Variants in KCNMA1 observed in about 807,000 individuals in gnomAD.
The protein encoded by KCNMA1 is potassium calcium-activated channel subfamily M alpha 1, also known as Calcium-activated potassium channel subunit alpha-1.
A neutral mutation model predicts 140.0 loss-of-function variants in KCNMA1; 29 were observed. The ratio of observed to expected loss-of-function variants is 0.21; its 90% CI spans 0.15 to 0.28. KCNMA1 has a LOEUF of 0.28. Ranked by LOEUF, KCNMA1 falls within the 10% of genes least tolerant of loss-of-function variation. The pLI, the probability that KCNMA1 is intolerant of heterozygous loss-of-function variation, is 1.00. For synonymous variants in KCNMA1, 612 were observed against 611.9 expected (o/e 1.00, Z 0.00); for missense variants, 880 against 1,602.2 (o/e 0.55, Z 7.70).
At chr10:77,112,698 G>A (rs1424420561) in intron 6 of KCNMA1, among the ~76,000 whole-genome samples, 2 of 152,118 alleles carry the variant, frequency 1.3e-5, no homozygotes, top group African/African-American at 4.8e-5. Flanking sequence ...ACAGAAAAGT[G>A]GAAAGAACAG....
Position 76,879,071 on chromosome 10 carries a change from A to AACTGC in KCNMA1, c.3428-1186_3428-1182dup, listed in dbSNP as rs1371586326. ...GGTCCTGAATGGACACATTAGTGAA[A>AACTGC]ACTGCTCACCTGGTTTGATAGGGGG... On this transcript the variant is annotated intron_variant, in intron 29 of 29. Coordinates refer to the KCNMA1 transcript ENST00000372403. 2.0e-5 allele frequency among the ~76,000 whole-genome samples: 3 copies of AACTGC among 152,088 alleles called. No individual in the cohort carries two copies. The East Asian group carries it at 5.8e-4, about 29-fold the overall frequency.
At chr10:77,036,626 C>T (rs979293036) in intron 15 of KCNMA1, among the ~76,000 whole-genome samples, 2 of 152,124 alleles carry the variant, frequency 1.3e-5, no homozygotes, top group South Asian at 2.1e-4. Flanking sequence ...TTTTCTTCTT[C>T]GTGAACCAGC....
intron 13 of KCNMA1, among the ~76,000 whole-genome samples, chr10:77,074,224 G>A (rs1410591074): frequency 6.6e-6 from 1 of 152,200 alleles, no homozygotes; most frequent in Non-Finnish European, 1.5e-5. Context: ...AAGTGTGTGG[G>A]TAACTAAAAC....
intron 25 of KCNMA1, among the ~76,000 whole-genome samples, chr10:76,898,076 CAT>C (rs1373986472): frequency 2.0e-5 from 3 of 151,598 alleles, no homozygotes; most frequent in African/African-American, 7.2e-5. Flanking sequence ...ATGTAAAAAA[CAT>C]AATGCAAGAC....
At chr10:77,000,445 A>C (rs1377867537) in intron 19 of KCNMA1, among the ~76,000 whole-genome samples, 1 of 152,098 alleles carries the variant, frequency 6.6e-6, no homozygotes, top group Non-Finnish European at 1.5e-5. Context: ...TGGGGAAGCA[A>C]GGATAAGGGA....
Position 77,095,322 on chromosome 10 carries a change from C to A in KCNMA1, c.1224-4812G>T, listed in dbSNP as rs543332918. 5.9e-5 allele frequency among the ~76,000 whole-genome samples: 9 copies of A among 152,258 alleles called. No homozygotes were observed. The South Asian group carries it at 1.9e-3, about 32-fold the overall frequency. ...GGTCTGGATCTGTAAACAAATATTT[C>A]TTGGGCAAAGGTAACATAAAATAGA... On this transcript the variant is annotated intron_variant, in intron 9 of 27. Coordinates refer to ENST00000286628, the MANE Select transcript of KCNMA1 (RefSeq NM_001161352.2).
At chr10:76,878,527 T>C (rs1421412331) in intron 29 of KCNMA1, among the ~76,000 whole-genome samples, 1 of 152,166 alleles carries the variant, frequency 6.6e-6, no homozygotes, top group Admixed American at 6.5e-5. Flanking sequence ...CGACCAATGT[T>C]TTAAAGAGGA....
intron 1 of KCNMA1, among the ~76,000 whole-genome samples, chr10:77,565,487 C>CTGGTTGAG (rs1340647909): frequency 1.3e-5 from 2 of 152,230 alleles, no homozygotes; most frequent in Non-Finnish European, 2.9e-5. Flanking sequence ...GCATTCAACA[C>CTGGTTGAG]ACAGCTCAGA....
chr10:77,291,367 C>T (rs1031080890), intron 2 of KCNMA1, among the ~76,000 whole-genome samples: 4 of 152,000 alleles, frequency 2.6e-5, no homozygotes, highest in African/African-American at 9.7e-5. Context: ...AACTCTCATG[C>T]AAAACTCCAG....
At chr10:77,106,645 G>C (rs192824134) in intron 9 of KCNMA1, among the ~76,000 whole-genome samples, 4 of 152,168 alleles carry the variant, frequency 2.6e-5, no homozygotes, top group African/African-American at 9.7e-5. Flanking sequence ...AAATGCTGGC[G>C]GAGACGTCAG....
chr10:77,388,039 G>T (rs1304481490), intron 2 of KCNMA1, among the ~76,000 whole-genome samples: 1 of 152,198 alleles, frequency 6.6e-6, no homozygotes, highest in Non-Finnish European at 1.5e-5. Flanking sequence ...GAAAGCTGAT[G>T]AAAGATGATG....
At chr10:77,027,970 C>T (rs937183370) in intron 15 of KCNMA1, 79 bp from the exon 16 acceptor site, 44 of 1,269,266 alleles carry the variant, frequency 3.5e-5, no homozygotes, top group Middle Eastern at 3.7e-4. Context: ...TACGATCTTT[C>T]GGTCTCCTAA....
intron 1 of KCNMA1, among the ~76,000 whole-genome samples, chr10:77,444,642 G>A (rs2097486318): frequency 1.3e-5 from 2 of 152,132 alleles, no homozygotes; most frequent in South Asian, 4.1e-4. Context: ...TGAGACGGGG[G>A]CTGTCCTCAG....
At chr10:77,127,071 AACACACACACACACAC>A (rs60249347) in intron 5 of KCNMA1, among the ~76,000 whole-genome samples, 4,614 of 146,432 alleles carry the variant, frequency 0.032, 98 homozygotes, top group South Asian at 0.063. Context: ...CACACACACA[AACACACACACACACAC>A]ACACACACAC....
At chr10:77,252,980 C>A (rs571558004) in intron 2 of KCNMA1, among the ~76,000 whole-genome samples, 1 of 152,204 alleles carries the variant, frequency 6.6e-6, no homozygotes, top group South Asian at 2.1e-4. Flanking sequence ...CTCACCTCAA[C>A]CCCTCCCATC....
intron 19 of KCNMA1, among the ~76,000 whole-genome samples, chr10:76,985,427 A>G (rs573944296): frequency 2.4e-4 from 36 of 152,374 alleles, no homozygotes; most frequent in Admixed American, 1.4e-3. Context: ...CTTACAATTT[A>G]GAGGAAACTA....
chr10:77,114,839 C>T (rs935100379), intron 6 of KCNMA1, among the ~76,000 whole-genome samples: 12 of 152,218 alleles, frequency 7.9e-5, no homozygotes, highest in Admixed American at 6.5e-4. Flanking sequence ...CTAGCTCTTG[C>T]ATTTTCCCAG....
intron 20 of KCNMA1, among the ~76,000 whole-genome samples, chr10:76,954,824 C>T (rs142110819): frequency 2.6e-5 from 4 of 152,126 alleles, no homozygotes; most frequent in African/African-American, 4.8e-5. Context: ...AAAGGCCTCC[C>T]GTCTAGTGGG....
At chr10:76,909,943 G>C (rs199702707) in intron 25 of KCNMA1, 23 bp downstream of exon 25, 1 of 1,611,440 alleles carries the variant, frequency 6.2e-7, no homozygotes, top group Admixed American at 1.7e-5. Context: ...CTTGAGTGAG[G>C]AGGAGGGAAC....
Sources: gnomAD v4.1 joint callset for allele counts (sites outside exome capture counted in the v4.1 genomes callset) on GRCh38, gnomAD v4.1.1 for gene constraint, MANE v1.5 for transcripts, NCBI Gene and HGNC (gene_info 2026-07-23, HGNC 2026-07-21) for gene names.